TXNDC8: variants seen among roughly 807,000 people sequenced by gnomAD.
TXNDC8 encodes the protein thioredoxin domain-containing protein 8.
A neutral mutation model predicts 12.9 loss-of-function variants in TXNDC8; 15 were observed. That is an observed-to-expected ratio of 1.16 (90% CI 0.78 to 1.79). The LOEUF is 1.79. Ranked by LOEUF, TXNDC8 falls within the 40% of genes most tolerant of loss-of-function variation. The pLI, the probability that TXNDC8 is intolerant of heterozygous loss-of-function variation, is 0.00. For missense variants in TXNDC8, 128 were observed against 113.2 expected, an observed-to-expected ratio of 1.13 and a Z score of -0.59; for synonymous variants, 40 against 35.4, an observed-to-expected ratio of 1.13 and a Z score of -0.46.
chr9:110,324,076 A>G (rs577598768), intron 3 of TXNDC8: 234 of 1,478,566 alleles, frequency 1.6e-4, no homozygotes, highest in Non-Finnish European at 2.0e-4. Context: ...ATTAATAGAG[A>G]ATGGATGCTG....
intron 3 of TXNDC8, chr9:110,323,658 C>T: frequency 2.2e-6 from 1 of 452,570 alleles, no homozygotes; most frequent in South Asian, 5.6e-5. Context: ...AGAAACCAAC[C>T]CAGAGTTTAC....
intron 3 of TXNDC8, among the ~76,000 whole-genome samples, chr9:110,312,321 G>A (rs2118746413): frequency 6.6e-6 from 1 of 152,292 alleles, no homozygotes; most frequent in Admixed American, 6.5e-5. Flanking sequence ...TTTGTAACAG[G>A]ACACAATTGG....
rs375593240 is a variant in TXNDC8, at chr9:110,320,714, C to G, written c.195+5461G>C. Reference sequence around the variant, plus strand: ...TTAGATTTTAAGAGGGTCTATAAATCCAATTTATGAACAACTTACAAGAGA... The same window carrying G: ...TTAGATTTTAAGAGGGTCTATAAATGCAATTTATGAACAACTTACAAGAGA... On this transcript the variant is annotated intron_variant, in intron 3 of 4. Transcript: ENST00000423740. Among the ~76,000 whole-genome samples the G allele has an allele frequency of 5.9e-4, 90 of 152,256 alleles. 3 individuals are homozygous for G. The South Asian group carries it at 0.018, about 31-fold the overall frequency.
chr9:110,325,379 C>A (rs1839268495), intron 3 of TXNDC8, among the ~76,000 whole-genome samples: 1 of 152,108 alleles, frequency 6.6e-6, no homozygotes, highest in Non-Finnish European at 1.5e-5. Flanking sequence ...GGCGCTACAG[C>A]TAGGAAGTGC....
chr9:110,329,258 C>T, intron 2 of TXNDC8: 1 of 1,610,996 alleles, frequency 6.2e-7, no homozygotes, highest in East Asian at 2.2e-5. Flanking sequence ...TCCACATTAG[C>T]AAAAAATACA....
intron 2 of TXNDC8, among the ~76,000 whole-genome samples, chr9:110,327,710 A>G (rs1399912113): frequency 6.6e-6 from 1 of 152,188 alleles, no homozygotes; most frequent in Non-Finnish European, 1.5e-5. Context: ...ATATTCTATG[A>G]TTCCCTTTAT....
chr9:110,302,189 C>CA (rs1390291743), downstream of TXNDC8, among the ~76,000 whole-genome samples: 1 of 151,596 alleles, frequency 6.6e-6, no homozygotes, highest in African/African-American at 2.4e-5. Flanking sequence ...TTTATAGAGA[C>CA]AGAGTCTAGC....
At chr9:110,306,807 C>T (rs1838486156) in intron 3 of TXNDC8, among the ~76,000 whole-genome samples, 1 of 152,142 alleles carries the variant, frequency 6.6e-6, no homozygotes, top group South Asian at 2.1e-4. Flanking sequence ...TTGAGTAACT[C>T]ATAGAGCCTT....
chr9:110,308,732 C>G (rs978913382), intron 3 of TXNDC8, among the ~76,000 whole-genome samples: 3 of 152,346 alleles, frequency 2.0e-5, no homozygotes, highest in Middle Eastern at 3.4e-3. Context: ...CCCTTTGCCA[C>G]CTGCAGTACC....
chr9:110,314,862 G>A (rs974689182), intron 3 of TXNDC8, among the ~76,000 whole-genome samples: 4 of 152,100 alleles, frequency 2.6e-5, no homozygotes, highest in East Asian at 1.9e-4. Flanking sequence ...TTAAGGGAGC[G>A]AGTTTACTTC....
chr9:110,313,209 C>T lies in TXNDC8; in HGVS notation c.196-8677G>A, dbSNP rs1564097200. ...GTGTGAGCCACCATGCCTGCCCCTA[C>T]GAGTCTTCAAAATAATGTTTCAATT... is the stretch of plus-strand genomic sequence containing the variant. On this transcript the variant is annotated intron_variant, in intron 3 of 4. Coordinates refer to ENST00000423740, the MANE Select transcript of TXNDC8 (RefSeq NM_001286946.2). Among the ~76,000 whole-genome samples, 10 of 152,118 alleles carry T rather than the reference C, an allele frequency of 6.6e-5. 1 individual carries two copies. The East Asian group carries it at 9.6e-4, about 15-fold the overall frequency.
chr9:110,331,936 G>T (rs1419467804), intron 2 of TXNDC8, among the ~76,000 whole-genome samples: 1 of 151,992 alleles, frequency 6.6e-6, no homozygotes, highest in East Asian at 1.9e-4. Flanking sequence ...CCTGATCTAG[G>T]GTAAGTAAAG....
intron 3 of TXNDC8, among the ~76,000 whole-genome samples, chr9:110,305,757 C>G (rs1176491133): frequency 7.5e-6 from 1 of 133,664 alleles, no homozygotes; most frequent in African/African-American, 2.8e-5. Context: ...TCCTTCCCTT[C>G]CCTTCCCTTT....
chr9:110,315,392 C>T (rs1838844628), intron 3 of TXNDC8, among the ~76,000 whole-genome samples: 1 of 152,126 alleles, frequency 6.6e-6, no homozygotes, highest in African/African-American at 2.4e-5. Flanking sequence ...GCCACTGCAC[C>T]CAGCCCGGGG....
intron 3 of TXNDC8, chr9:110,323,510 G>A (rs1839190505): frequency 4.6e-6 from 1 of 217,846 alleles, no homozygotes; most frequent in Non-Finnish European, 8.0e-6. Flanking sequence ...ATAAATAGAT[G>A]AGGGAATGAG....
At chr9:110,306,713 C>T (rs1587949780) in intron 3 of TXNDC8, among the ~76,000 whole-genome samples, 1 of 152,248 alleles carries the variant, frequency 6.6e-6, no homozygotes, top group East Asian at 1.9e-4. Context: ...CCAAAGAATT[C>T]CTGACATATA....
chr9:110,303,497 G>C lies in TXNDC8; in HGVS notation c.*185C>G, dbSNP rs904347124. 2.0e-6 allele frequency: 3 copies of C among 1,519,342 alleles called. No homozygotes were observed. Among genetic ancestry groups the C allele is most frequent in the African/African-American group, 2.8e-5 (2 of 72,508 alleles). The allele number at this position is 1,519,342 out of a possible 1,614,324, so 94.1% of individuals were successfully genotyped here. On this transcript the variant is annotated 3_prime_UTR_variant, in exon 5 of 5. Transcript: ENST00000423740. The stretch of plus-strand genomic sequence containing the variant: ...GCTCTTGCCTTTTCAAATGTCACAA[G>C]TGTATTTTGCCTTGGAGATCAGCTT...
At chr9:110,302,286 C>T (rs1176396627), downstream of TXNDC8, among the ~76,000 whole-genome samples, 1 of 152,138 alleles carries the variant, frequency 6.6e-6, no homozygotes, top group Non-Finnish European at 1.5e-5. Flanking sequence ...CAGATGCAAG[C>T]CACCATGCCT....
chr9:110,327,954 T>C (rs1839398252), intron 2 of TXNDC8, among the ~76,000 whole-genome samples: 1 of 152,232 alleles, frequency 6.6e-6, no homozygotes, highest in Non-Finnish European at 1.5e-5. Flanking sequence ...TTATAGGTTA[T>C]GATTCATCCT....
Sources: allele counts gnomAD v4.1 joint callset (sites outside exome capture counted in the v4.1 genomes callset), GRCh38; gene constraint gnomAD v4.1.1; transcripts MANE v1.5; gene names NCBI Gene and HGNC (gene_info 2026-07-23, HGNC 2026-07-21).